SF3B1: variants seen among roughly 807,000 people sequenced by gnomAD.
The protein encoded by SF3B1 is pre-mRNA processing 10.
In SF3B1, 12 loss-of-function variants were observed where a neutral mutation model predicts 153.8. That is an observed-to-expected ratio of 0.08 (90% CI 0.05 to 0.13). The LOEUF is 0.13. Among genes scored for constraint, SF3B1 ranks in the 10% least tolerant of loss-of-function variants. The probability of loss-of-function intolerance (pLI) is 1.00; values close to 1 mark genes in which losing one functional copy is unlikely to be tolerated. For synonymous variants in SF3B1, 498 were observed against 525.2 expected, an observed-to-expected ratio of 0.95 and a Z score of 0.71; for missense variants, 513 against 1,606.1, an observed-to-expected ratio of 0.32 and a Z score of 11.63.
chr2:197,413,370 C>T (rs1388219145), intron 6 of SF3B1, among the ~76,000 whole-genome samples: 3 of 152,136 alleles, frequency 2.0e-5, no homozygotes, highest in Admixed American at 2.0e-4. Flanking sequence ...CAATGCACTC[C>T]AGCTACCCAT....
In SF3B1 at chr2:197,416,922, C is replaced by A. The variant is rs751145287; in HGVS notation, c.496-11G>T. ...TTGCCTAATTTCTCGCTGAAAAAAA[C>A]AGTGAGTATTTACCTTTAAAATGCT... is the stretch of plus-strand genomic sequence containing the variant. On this transcript the variant is annotated splice_polypyrimidine_tract_variant and intron_variant, in intron 5 of 24. Coordinates refer to ENST00000335508, the MANE Select transcript of SF3B1 (RefSeq NM_012433.4). The A allele has an allele frequency of 1.9e-6, 3 of 1,609,652 alleles. No individual in the cohort carries two copies. Among genetic ancestry groups the A allele is most frequent in the East Asian group, 2.2e-5 (1 of 44,812 alleles).
At chr2:197,425,685 A>T (rs1330210877) in intron 1 of SF3B1, among the ~76,000 whole-genome samples, 1 of 151,996 alleles carries the variant, frequency 6.6e-6, no homozygotes, top group Non-Finnish European at 1.5e-5. Flanking sequence ...ATTTCCACAT[A>T]AGAAAGGAAC....
intron 20 of SF3B1, chr2:197,399,156 A>G: frequency 1.7e-6 from 2 of 1,152,174 alleles, no homozygotes; most frequent in Non-Finnish European, 2.2e-6. Flanking sequence ...ATATGGTTTA[A>G]AACTCCCTGC....
At chr2:197,416,681 T>TAC in intron 6 of SF3B1, 60 bp downstream of exon 6, 2 of 1,468,096 alleles carry the variant, frequency 1.4e-6, no homozygotes, top group South Asian at 2.5e-5. Context: ...AGCAGACTAA[T>TAC]ACAGTCCATA....
At chr2:197,406,920 T>G (rs747156248) in intron 9 of SF3B1, among the ~76,000 whole-genome samples, 7 of 151,804 alleles carry the variant, frequency 4.6e-5, no homozygotes, top group Non-Finnish European at 1.0e-4. Context: ...GACTCCCGTA[T>G]CTACAAAAAA....
rs1553565956 is a variant in SF3B1 at position 197,417,595 on chromosome 2, A to AAAT, written c.496-685_496-684insATT. Reference sequence around the variant, plus strand: ...TCTACTAAAAAAAAAAAAAAAAAAAAGAAATATGAAAATTAGCCAGGCATG... The same window carrying AAAT: ...TCTACTAAAAAAAAAAAAAAAAAAAAAATGAAATATGAAAATTAGCCAGGCATG... On this transcript the variant is annotated intron_variant, in intron 5 of 24. Transcript: ENST00000335508. Among the ~76,000 whole-genome samples the AAAT allele has an allele frequency of 8.5e-3, 1,280 of 149,724 alleles. 14 individuals are homozygous for AAAT. The highest frequency in any genetic ancestry group is 0.036 in the South Asian group (168 of 4,700).
rs200140101 is a variant in SF3B1 at position 197,401,547 on chromosome 2, A to G, written c.2371-22T>C. ...CCACCTAAAAGGTTAAGAAATAGTAATAATAAATCAACTGACCTGAAATGA... is the reference window on the plus strand; with the variant it reads ...CCACCTAAAAGGTTAAGAAATAGTAGTAATAAATCAACTGACCTGAAATGA... On this transcript the variant is annotated intron_variant, in intron 16 of 24. Coordinates refer to ENST00000335508, the MANE Select transcript of SF3B1 (RefSeq NM_012433.4). The surrounding 1 kb of genome is among the most constrained non-coding windows in gnomAD (Gnocchi z 4.2). The G allele has an allele frequency of 5.0e-6, 8 of 1,602,178 alleles. No individual in the cohort carries two copies. Among genetic ancestry groups the G allele is most frequent in the Middle Eastern group, 1.7e-4 (1 of 6,040 alleles).
chr2:197,406,372 A>G (rs1302186464), intron 9 of SF3B1, among the ~76,000 whole-genome samples: 1 of 152,148 alleles, frequency 6.6e-6, no homozygotes, highest in Non-Finnish European at 1.5e-5. Context: ...TTAAATTTAT[A>G]TTGATGCTAT....
chr2:197,426,197 C>T (rs985687982), intron 1 of SF3B1, among the ~76,000 whole-genome samples: 17 of 151,926 alleles, frequency 1.1e-4, no homozygotes, highest in Non-Finnish European at 1.5e-4. Context: ...CAGGGTGGTT[C>T]TTTTTACTAT....
At chr2:197,410,522 TTGAG>T in intron 6 of SF3B1, among the ~76,000 whole-genome samples, 1 of 150,186 alleles carries the variant, frequency 6.7e-6, no homozygotes, top group Non-Finnish European at 1.5e-5. Flanking sequence ...TTTTTTTTTT[TTGAG>T]ACAGAGTCTC....
chr2:197,431,949 C>T (rs773101300), intron 1 of SF3B1, among the ~76,000 whole-genome samples: 5 of 151,842 alleles, frequency 3.3e-5, no homozygotes, highest in Non-Finnish European at 7.4e-5. Flanking sequence ...ATAGCGAGAC[C>T]CCATCTCTAA....
chr2:197,425,399 G>A (rs542859483), intron 1 of SF3B1, among the ~76,000 whole-genome samples: 2 of 152,328 alleles, frequency 1.3e-5, no homozygotes, highest in African/African-American at 4.8e-5. Context: ...CCGGAAGGTG[G>A]AGGTTGCAGT....
intron 1 of SF3B1, among the ~76,000 whole-genome samples, chr2:197,425,081 G>A (rs1414013049): frequency 6.6e-5 from 10 of 152,060 alleles, no homozygotes; most frequent in Admixed American, 5.2e-4. Context: ...GCTTGAACCC[G>A]GGAGGCCAAG....
chr2:197,409,169 G>A (rs903541526), intron 7 of SF3B1, among the ~76,000 whole-genome samples: 1 of 152,076 alleles, frequency 6.6e-6, no homozygotes, highest in African/African-American at 2.4e-5. Flanking sequence ...GAAGGCCGAG[G>A]GGGGCAGATC....
chr2:197,422,346 A>G (rs2085257463), intron 2 of SF3B1, among the ~76,000 whole-genome samples: 1 of 152,104 alleles, frequency 6.6e-6, no homozygotes, highest in South Asian at 2.1e-4. Flanking sequence ...CCTAGGTGGG[A>G]ACTGAACAAT....
At chr2:197,409,255 C>T (rs1273988991) in intron 7 of SF3B1, among the ~76,000 whole-genome samples, 1 of 152,042 alleles carries the variant, frequency 6.6e-6, no homozygotes, top group African/African-American at 2.4e-5. Flanking sequence ...CAAAATTAGC[C>T]GGGCTTGGTG....
At chr2:197,406,940 T>C (rs1416981759) in intron 9 of SF3B1, among the ~76,000 whole-genome samples, 2 of 151,732 alleles carry the variant, frequency 1.3e-5, no homozygotes, top group Non-Finnish European at 2.9e-5. Flanking sequence ...ATAAAAAAAT[T>C]AGCCAGGTAT....
chr2:197,417,067 C>A (rs1413611043), intron 5 of SF3B1, among the ~76,000 whole-genome samples, 156 bp from the exon 6 acceptor site: 1 of 152,190 alleles, frequency 6.6e-6, no homozygotes. Context: ...GTTCCATAGT[C>A]TGTGCGTCTT....
At position 197,389,944 on chromosome 2, in the gene SF3B1, A is replaced by G. The variant is rs1353177554; in HGVS notation, c.*2359T>C. ...AAAACCAACAAAGGCCCACAGAAAA[A>G]CCCACCCTGTCTCCTTAAGAACATT... On this transcript the variant is annotated 3_prime_UTR_variant, in exon 25 of 25. Coordinates refer to ENST00000335508, the MANE Select transcript of SF3B1 (RefSeq NM_012433.4). 1 of 152,150 alleles carries G rather than the reference A, an allele frequency of 6.6e-6. No individual in the cohort carries two copies. The highest frequency in any genetic ancestry group is 1.9e-4 in the East Asian group (1 of 5,206). The allele number at this position is 152,150 out of a possible 1,614,324, so 9.4% of individuals were successfully genotyped here.
Sources: allele counts gnomAD v4.1 joint callset (sites outside exome capture counted in the v4.1 genomes callset), GRCh38; gene constraint gnomAD v4.1.1; non-coding constraint Gnocchi (gnomAD v3.1); transcripts MANE v1.5; gene names NCBI Gene and HGNC (gene_info 2026-07-23, HGNC 2026-07-21).